SLC25A48: variants seen among roughly 807,000 people sequenced by gnomAD.
SLC25A48 encodes the protein CTC-321K16.1.
In SLC25A48, 29 loss-of-function variants were observed where a neutral mutation model predicts 32.2. The ratio of observed to expected loss-of-function variants is 0.90; its 90% CI spans 0.67 to 1.23. The LOEUF is 1.23. SLC25A48 is among the 50% of genes most tolerant of loss of function. SLC25A48 has a pLI of 0.00. For missense variants in SLC25A48, 399 were observed against 422.7 expected (o/e 0.94, Z 0.49); for synonymous variants, 164 against 172.3 (o/e 0.95, Z 0.38).
chr5:135,816,356 C>A (rs1406011975), intron 4 of SLC25A48, among the ~76,000 whole-genome samples: 1 of 152,072 alleles, frequency 6.6e-6, no homozygotes, highest in Non-Finnish European at 1.5e-5. Context: ...AAACAGTTAA[C>A]CTGTGTGTCA....
At chr5:135,595,198 C>T (rs1193978495) in intron 1 of SLC25A48, among the ~76,000 whole-genome samples, 1 of 152,200 alleles carries the variant, frequency 6.6e-6, no homozygotes, top group South Asian at 2.1e-4. Flanking sequence ...TTACCCTGCT[C>T]CACTCTCATG....
chr5:135,884,421 G>A (rs1762648424), intron 7 of SLC25A48, among the ~76,000 whole-genome samples: 1 of 152,158 alleles, frequency 6.6e-6, no homozygotes, highest in Admixed American at 6.5e-5. Flanking sequence ...GGGTATCTCT[G>A]CAAGTTACTG....
chr5:135,768,953 G>A (rs997800069), intron 3 of SLC25A48, among the ~76,000 whole-genome samples: 5 of 151,790 alleles, frequency 3.3e-5, no homozygotes, highest in South Asian at 2.1e-4. Context: ...GATATTGTTC[G>A]TAATATTCAT....
intron 4 of SLC25A48, among the ~76,000 whole-genome samples, chr5:135,813,865 T>A (rs1757648744): frequency 6.6e-6 from 1 of 152,136 alleles, no homozygotes; most frequent in African/African-American, 2.4e-5. Context: ...AGGCACTTGA[T>A]GTGCCCCACA....
Position 135,612,513 on chromosome 5 carries a change from C to G in SLC25A48, c.-848-16724C>G, listed in dbSNP as rs186403126. On this transcript the variant is annotated intron_variant, in intron 1 of 10. Transcript: ENST00000646290. ...ATCGTCTGTCCCCATTGACCCACCT[C>G]TTTTCATCTCTCCACCCCTGCCCTG... Among the ~76,000 whole-genome samples, 55 of 152,318 alleles carry G rather than the reference C, an allele frequency of 3.6e-4. No homozygotes were observed. In the East Asian group the frequency reaches 0.01, roughly 28 times the overall value.
At chr5:135,586,123 A>T (rs1193362911) in intron 1 of SLC25A48, among the ~76,000 whole-genome samples, 1 of 152,208 alleles carries the variant, frequency 6.6e-6, no homozygotes, top group Non-Finnish European at 1.5e-5. Flanking sequence ...CAAAATAACT[A>T]CCAAGTGGCA....
intron 3 of SLC25A48, among the ~76,000 whole-genome samples, chr5:135,700,390 A>AAAAAAG (rs1754365688): frequency 6.6e-6 from 1 of 151,120 alleles, no homozygotes; most frequent in African/African-American, 2.4e-5. Context: ...AAAAAAAAAA[A>AAAAAAG]AAAGAAAGAA....
At chr5:135,864,182 G>T (rs941131227) in intron 4 of SLC25A48, among the ~76,000 whole-genome samples, 8 of 152,186 alleles carry the variant, frequency 5.3e-5, no homozygotes, top group African/African-American at 1.2e-4. Context: ...AATCTGCATG[G>T]TGACAAAATA....
intron 1 of SLC25A48, among the ~76,000 whole-genome samples, chr5:135,627,366 G>A (rs750768255): frequency 6.6e-6 from 1 of 152,116 alleles, no homozygotes; most frequent in African/African-American, 2.4e-5. Flanking sequence ...TCCATGGCCA[G>A]CCCCTCTCTC....
intron 1 of SLC25A48, among the ~76,000 whole-genome samples, chr5:135,584,786 G>T (rs1312986742): frequency 6.6e-6 from 1 of 152,200 alleles, no homozygotes; most frequent in Non-Finnish European, 1.5e-5. Flanking sequence ...TGCTTATGCA[G>T]TAAGTAGAAA....
intron 3 of SLC25A48, among the ~76,000 whole-genome samples, chr5:135,672,988 ATATT>A (rs1321433359): frequency 1.3e-5 from 2 of 152,160 alleles, no homozygotes; most frequent in Non-Finnish European, 2.9e-5. Flanking sequence ...TACAGTATAT[ATATT>A]TATTTATCTG....
intron 3 of SLC25A48, among the ~76,000 whole-genome samples, chr5:135,719,907 T>G (rs1260098797): frequency 6.6e-6 from 1 of 152,182 alleles, no homozygotes. Flanking sequence ...GAGGTCACGG[T>G]GCAGAGGCAC....
intron 3 of SLC25A48, among the ~76,000 whole-genome samples, chr5:135,669,665 T>G (rs1475896134): frequency 6.6e-6 from 1 of 152,174 alleles, no homozygotes; most frequent in Non-Finnish European, 1.5e-5. Context: ...AACTCTGGCT[T>G]GCCTGTGTGC....
chr5:135,859,062 G>A (rs928417185), intron 4 of SLC25A48, among the ~76,000 whole-genome samples: 2 of 152,146 alleles, frequency 1.3e-5, no homozygotes, highest in South Asian at 2.1e-4. Context: ...TGCTCCTCAG[G>A]AACCCTCTAG....
chr5:135,751,047 T>C (rs1422869380), intron 3 of SLC25A48, among the ~76,000 whole-genome samples: 1 of 152,122 alleles, frequency 6.6e-6, no homozygotes, highest in East Asian at 1.9e-4. Flanking sequence ...ATCCAGCCAA[T>C]AGCTGCAGAT....
At chr5:135,642,150 G>T (rs1385808994) in intron 3 of SLC25A48, among the ~76,000 whole-genome samples, 1 of 152,184 alleles carries the variant, frequency 6.6e-6, no homozygotes, top group Non-Finnish European at 1.5e-5. Context: ...GCACGCTTGG[G>T]GGCCAGTTCT....
chr5:135,687,790 C>G (rs571449731), intron 3 of SLC25A48, among the ~76,000 whole-genome samples: 14 of 152,270 alleles, frequency 9.2e-5, no homozygotes, highest in African/African-American at 3.4e-4. Flanking sequence ...ATGTTTATTG[C>G]ATGGCTTTAC....
intron 1 of SLC25A48, among the ~76,000 whole-genome samples, chr5:135,841,388 G>A (rs1275727786): frequency 6.6e-6 from 1 of 152,090 alleles, no homozygotes; most frequent in Non-Finnish European, 1.5e-5. Flanking sequence ...CAATTTTTAT[G>A]AATGTTATTA....
At chr5:135,764,264 T>G (rs547564169) in intron 3 of SLC25A48, among the ~76,000 whole-genome samples, 2 of 151,946 alleles carry the variant, frequency 1.3e-5, no homozygotes, top group South Asian at 4.2e-4. Context: ...TTTAACATGG[T>G]TCGTATTAAC....
Sources: allele counts gnomAD v4.1 joint callset (sites outside exome capture counted in the v4.1 genomes callset), GRCh38; gene constraint gnomAD v4.1.1; transcripts MANE v1.5; gene names NCBI Gene and HGNC (gene_info 2026-07-23, HGNC 2026-07-21).